Variants in ATP2B1 observed in about 807,000 individuals in gnomAD.
The protein encoded by ATP2B1 is plasma membrane calcium-transporting ATPase 1.
In ATP2B1, 14 loss-of-function variants were observed where a neutral mutation model predicts 124.2. The observed-to-expected ratio is 0.11, with a 90% CI of 0.07 to 0.18. The LOEUF is 0.18. Ranked by LOEUF, ATP2B1 falls within the 10% of genes least tolerant of loss-of-function variation. The pLI, the probability that ATP2B1 is intolerant of heterozygous loss-of-function variation, is 1.00. For missense variants in ATP2B1, 763 were observed against 1,466.1 expected (o/e 0.52, Z 7.83); for synonymous variants, 449 against 492.4 (o/e 0.91, Z 1.17).
At chr12:89,703,703 G>C (rs368919719) in intron 1 of ATP2B1, among the ~76,000 whole-genome samples, 1 of 152,060 alleles carries the variant, frequency 6.6e-6, no homozygotes, top group Admixed American at 6.6e-5. Context: ...AGTAACCACA[G>C]ATGGATCTTC....
In ATP2B1 at chr12:89,630,554, A is replaced by G. The variant is rs114701130; in HGVS notation, c.879T>C (p.Ala293=). ...QTGIIFTLLG[A]GGEEEEKKDE... ...CTTTCTTCTCTTCCTCTTCACCTCC[A>G]GCTCCAAGTAAGGTAAAGATAATTC... Residue 293 remains alanine (A), a synonymous_variant, in exon 6 of 21, where the codon GCT becomes GCC. Transcript: ENST00000428670. The G allele has an allele frequency of 1.5e-4, 241 of 1,596,894 alleles. 1 individual carries two copies. In the African/African-American group the frequency reaches 2.9e-3, roughly 19 times the overall value.
chr12:89,592,827 A>C (rs1218214168), intron 20 of ATP2B1, among the ~76,000 whole-genome samples: 3 of 152,090 alleles, frequency 2.0e-5, no homozygotes, highest in Non-Finnish European at 4.4e-5. Flanking sequence ...TTTAATGTGC[A>C]TACAAATTAG....
At chr12:89,620,425 A>C (rs909486134) in intron 10 of ATP2B1, among the ~76,000 whole-genome samples, 185 bp from the exon 11 acceptor site, 2 of 152,204 alleles carry the variant, frequency 1.3e-5, no homozygotes, top group Admixed American at 6.5e-5. Context: ...CATGGATTCT[A>C]ATCTCAGTCC....
intron 11 of ATP2B1, among the ~76,000 whole-genome samples, chr12:89,618,793 T>C (rs1381198637): frequency 6.6e-6 from 1 of 152,204 alleles, no homozygotes; most frequent in Non-Finnish European, 1.5e-5. Context: ...TTGTACCAAT[T>C]TATTATATGC....
At chr12:89,607,800 T>C (rs1877210346) in intron 15 of ATP2B1, among the ~76,000 whole-genome samples, 1 of 152,154 alleles carries the variant, frequency 6.6e-6, no homozygotes, top group Admixed American at 6.5e-5. Context: ...AGTCTGCACA[T>C]GTTCACTACA....
At position 89,589,021 on chromosome 12, in the gene ATP2B1, TGCTTTCCA is replaced by T. The variant is rs1873097117; in HGVS notation, c.*1955_*1962del. 6.6e-6 allele frequency: 1 copy of T among 152,604 alleles called. No homozygotes were observed. Among genetic ancestry groups the T allele is most frequent in the Non-Finnish European group, 1.5e-5 (1 of 68,016 alleles). The allele number at this position is 152,604 out of a possible 1,614,324, so 9.5% of individuals were successfully genotyped here. ...CCAGGTCTTGACTCCTAGTCTAATA[TGCTTTCCA>T]GCATATCATGCTACCTCTTTTTTAC... On this transcript the variant is annotated 3_prime_UTR_variant, in exon 21 of 21. Transcript: ENST00000428670.
At chr12:89,630,875 G>A (rs1881756521) in intron 5 of ATP2B1, 3 of 176,964 alleles carry the variant, frequency 1.7e-5, no homozygotes, top group Admixed American at 6.2e-5. Flanking sequence ...GGATCTCCTG[G>A]GCTGAAGTAA....
In ATP2B1 at chr12:89,599,105, C is replaced by T; in HGVS notation, c.3351+12G>A. ...TCCCATCATCTCTCCTACCTCTCTA[C>T]CAGGCCCATACCTGTGTTTGGATTC... On this transcript the variant is annotated intron_variant, in intron 20 of 20. Transcript: ENST00000428670. The T allele has an allele frequency of 3.1e-6, 5 of 1,611,862 alleles. No individual in the cohort carries two copies. The highest frequency in any genetic ancestry group is 2.7e-5 in the African/African-American group (2 of 74,988).
At chr12:89,609,814 C>T in intron 15 of ATP2B1, 123 bp downstream of exon 15, 1 of 781,132 alleles carries the variant, frequency 1.3e-6, no homozygotes, top group Non-Finnish European at 2.0e-6. Flanking sequence ...TATTAATTAT[C>T]CCTCGAACTA....
intron 10 of ATP2B1, 122 bp from the exon 11 acceptor site, chr12:89,620,362 TTTAAAGAAGGA>T: frequency 1.6e-6 from 2 of 1,234,152 alleles, no homozygotes; most frequent in African/African-American, 3.0e-5. Context: ...ATATCAACAT[TTTAAAGAAGGA>T]TATAGAAAAG....
At chr12:89,626,358 A>G in intron 8 of ATP2B1, 96 bp downstream of exon 8, 1 of 1,333,436 alleles carries the variant, frequency 7.5e-7, no homozygotes, top group Non-Finnish European at 1.0e-6. Context: ...CTATTCACAA[A>G]GCAACAATTT....
chr12:89,633,302 A>T (rs1017411690), intron 5 of ATP2B1, among the ~76,000 whole-genome samples: 28 of 151,640 alleles, frequency 1.8e-4, no homozygotes, highest in Non-Finnish European at 3.8e-4. Context: ...TCTTTTTTTT[A>T]AATTTTATTA....
At chr12:89,598,549 T>G in intron 20 of ATP2B1, 1 of 1,575,114 alleles carries the variant, frequency 6.3e-7, no homozygotes, top group African/African-American at 1.4e-5. Flanking sequence ...GTGTGTGAAG[T>G]AGGAAATGTT....
rs1286298582 is a variant in ATP2B1 at position 89,603,124 on chromosome 12, A to G, written c.2979T>C (p.Ile993=). 35 of 1,613,866 alleles carry G rather than the reference A, an allele frequency of 2.2e-5. No individual in the cohort carries two copies. The highest frequency in any genetic ancestry group is 2.9e-5 in the Non-Finnish European group (34 of 1,179,934). The part of the protein sequence containing the change: ...QLFNEINARK[I]HGERNVFEGI... ...CTTCGAATACATTTCTTTCACCATGAATTTTCCGGGCATTTATTTCGTTGA... is the reference window on the plus strand; with the variant it reads ...CTTCGAATACATTTCTTTCACCATGGATTTTCCGGGCATTTATTTCGTTGA... The change falls in exon 18 of 21, where the codon ATT becomes ATC. Residue 993 remains isoleucine (I), a synonymous_variant. Transcript: ENST00000428670. This position sits in a 1 kb window ranked among gnomAD's most constrained non-coding sequence, Gnocchi z 4.3.
chr12:89,619,618 T>TAAA lies in ATP2B1; in HGVS notation c.1829+378_1829+380dup, dbSNP rs367554417. On this transcript the variant is annotated intron_variant, in intron 11 of 20. Coordinates refer to ENST00000428670, the MANE Select transcript of ATP2B1 (RefSeq NM_001366521.1). Reference sequence around the variant, plus strand: ...ACAGGGAAACTCCACCTTAAACAAATAAAAAAAAAAAAAAAAAGAAAGAAA... The same window carrying TAAA: ...ACAGGGAAACTCCACCTTAAACAAATAAAAAAAAAAAAAAAAAAAAGAAAGAAA... Among the ~76,000 whole-genome samples, 48 of 123,112 alleles carry TAAA rather than the reference T, an allele frequency of 3.9e-4. No individual in the cohort carries two copies. The East Asian group carries it at 4.6e-3, about 12-fold the overall frequency. The allele number at this position is 123,112 out of a possible 152,430, so 80.8% of individuals were successfully genotyped here. A position where few individuals can be genotyped will look rare whatever the true frequency, so the allele number is the denominator to read the frequency against.
At chr12:89,672,415 C>T (rs1031267391) in intron 1 of ATP2B1, among the ~76,000 whole-genome samples, 7 of 152,112 alleles carry the variant, frequency 4.6e-5, no homozygotes, top group African/African-American at 1.2e-4. Context: ...TATCACGCTA[C>T]TGCACTCCAG....
At chr12:89,681,267 G>C (rs538388385) in intron 1 of ATP2B1, among the ~76,000 whole-genome samples, 10 of 151,966 alleles carry the variant, frequency 6.6e-5, no homozygotes, top group African/African-American at 2.4e-4. Context: ...AGACTTCTAT[G>C]AAAATAAATC....
chr12:89,649,153 C>T (rs1036357635), intron 2 of ATP2B1, among the ~76,000 whole-genome samples: 1 of 152,244 alleles, frequency 6.6e-6, no homozygotes, highest in Non-Finnish European at 1.5e-5. Flanking sequence ...AAAGTCCCCC[C>T]ACTAGGGCAC....
At chr12:89,663,598 A>C (rs937947679) in intron 1 of ATP2B1, among the ~76,000 whole-genome samples, 14 of 152,172 alleles carry the variant, frequency 9.2e-5, no homozygotes, top group Non-Finnish European at 1.8e-4. Flanking sequence ...TCCACATCTA[A>C]CTAACATCTG....
Sources: gnomAD v4.1 joint callset for allele counts (sites outside exome capture counted in the v4.1 genomes callset) on GRCh38, gnomAD v4.1.1 for gene constraint, Gnocchi (gnomAD v3.1) non-coding constraint, MANE v1.5 for transcripts, NCBI Gene and HGNC (gene_info 2026-07-23, HGNC 2026-07-21) for gene names.